The following DPP10 variants were observed in gnomAD, a reference collection of about 807,000 sequenced individuals.
The protein encoded by DPP10 is inactive dipeptidyl peptidase 10.
A neutral mutation model predicts 120.9 loss-of-function variants in DPP10; 33 were observed. That is an observed-to-expected ratio of 0.27 (90% CI 0.21 to 0.37). The LOEUF (loss-of-function observed/expected upper bound fraction) is 0.37, where lower values mean the gene tolerates loss of function less well. Among genes scored for constraint, DPP10 ranks in the 10% least tolerant of loss-of-function variants. The pLI, the probability that DPP10 is intolerant of heterozygous loss-of-function variation, is 1.00. For synonymous variants in DPP10, 337 were observed against 326.1 expected, an observed-to-expected ratio of 1.03 and a Z score of -0.36; for missense variants, 816 against 942.8, an observed-to-expected ratio of 0.87 and a Z score of 1.76.
At chr2:115,088,066 T>C (rs897951315) in intron 1 of DPP10, among the ~76,000 whole-genome samples, 1 of 152,192 alleles carries the variant, frequency 6.6e-6, no homozygotes, top group African/African-American at 2.4e-5. Flanking sequence ...TCTTGGTTTA[T>C]AGATGGTGCT....
intron 13 of DPP10, among the ~76,000 whole-genome samples, chr2:115,769,723 G>T (rs942187712): frequency 1.3e-5 from 2 of 151,812 alleles, no homozygotes; most frequent in African/African-American, 4.8e-5. Context: ...CTATTAAAAT[G>T]ATTATATAAG....
At chr2:115,555,390 A>G (rs1354470716) in intron 5 of DPP10, among the ~76,000 whole-genome samples, 2 of 152,240 alleles carry the variant, frequency 1.3e-5, no homozygotes, top group East Asian at 3.9e-4. Flanking sequence ...TATTAGACTC[A>G]GGGGCTTATA....
chr2:114,958,425 T>A (rs1698370498), intron 1 of DPP10, among the ~76,000 whole-genome samples: 1 of 152,152 alleles, frequency 6.6e-6, no homozygotes, highest in Non-Finnish European at 1.5e-5. Context: ...GGGTACAAAG[T>A]TTCAGCTGGG....
At chr2:114,556,267 A>ATATATATATATATG in intron 1 of DPP10, among the ~76,000 whole-genome samples, 1 of 142,874 alleles carries the variant, frequency 7.0e-6, no homozygotes, top group South Asian at 2.3e-4. Flanking sequence ...ATATATATAT[A>ATATATATATATATG]TAGGCAAATA....
At chr2:115,009,620 TA>T (rs1377703548) in intron 1 of DPP10, among the ~76,000 whole-genome samples, 2 of 150,416 alleles carry the variant, frequency 1.3e-5, no homozygotes, top group Admixed American at 1.3e-4. Flanking sequence ...ATATTTAAAG[TA>T]ATGGATATCC....
chr2:114,574,712 A>G (rs535783062), intron 1 of DPP10, among the ~76,000 whole-genome samples: 2 of 152,316 alleles, frequency 1.3e-5, no homozygotes, highest in African/African-American at 4.8e-5. Flanking sequence ...TTTTCCAGGG[A>G]AACAAGGAAA....
At chr2:115,258,902 A>G (rs1559326646) in intron 1 of DPP10, among the ~76,000 whole-genome samples, 1 of 152,214 alleles carries the variant, frequency 6.6e-6, no homozygotes, top group Non-Finnish European at 1.5e-5. Context: ...AAGTAAATAA[A>G]AAATAAATAA....
chr2:114,555,051 T>C (rs2104899149), intron 1 of DPP10, among the ~76,000 whole-genome samples: 1 of 152,280 alleles, frequency 6.6e-6, no homozygotes, highest in East Asian at 1.9e-4. Context: ...CCAAAGTCAA[T>C]TTAAGCCATG....
At chr2:115,707,221 A>C (rs13030727) in intron 7 of DPP10, among the ~76,000 whole-genome samples, 21,422 of 151,864 alleles carry the variant, frequency 0.14, 1,612 homozygotes, top group Non-Finnish European at 0.16. Flanking sequence ...GTAGGGTATA[A>C]AAGGTTTGAT....
chr2:114,807,069 A>C (rs2106307028), intron 1 of DPP10, among the ~76,000 whole-genome samples: 1 of 152,334 alleles, frequency 6.6e-6, no homozygotes, highest in Non-Finnish European at 1.5e-5. Flanking sequence ...ACATTTTTTA[A>C]GTTACGTAAC....
chr2:115,659,230 C>A (rs1360767459), intron 5 of DPP10, among the ~76,000 whole-genome samples: 1 of 152,106 alleles, frequency 6.6e-6, no homozygotes, highest in Non-Finnish European at 1.5e-5. Context: ...ACCTCCATAA[C>A]CATAAGTCAA....
At chr2:115,152,261 T>C (rs2051605521) in intron 1 of DPP10, among the ~76,000 whole-genome samples, 1 of 152,208 alleles carries the variant, frequency 6.6e-6, no homozygotes, top group South Asian at 2.1e-4. Flanking sequence ...AAGCAATATG[T>C]AAATGAATGA....
chr2:115,770,855 C>A (rs189182389), intron 13 of DPP10, among the ~76,000 whole-genome samples: 139 of 152,144 alleles, frequency 9.1e-4, no homozygotes, highest in Non-Finnish European at 1.6e-3. Context: ...GTATATTTTA[C>A]ATTCTTTTTT....
chr2:114,676,114 C>T (rs1010241881), intron 1 of DPP10, among the ~76,000 whole-genome samples: 1 of 152,070 alleles, frequency 6.6e-6, no homozygotes, highest in African/African-American at 2.4e-5. Flanking sequence ...TCTAAGAATG[C>T]TTATTAACTG....
chr2:114,873,796 A>G (rs1690910237), intron 1 of DPP10, among the ~76,000 whole-genome samples: 1 of 152,186 alleles, frequency 6.6e-6, no homozygotes, highest in Non-Finnish European at 1.5e-5. Flanking sequence ...ATGGACACAG[A>G]GCAAACACAT....
intron 5 of DPP10, among the ~76,000 whole-genome samples, chr2:115,575,615 C>T (rs2081607464): frequency 6.6e-6 from 1 of 152,164 alleles, no homozygotes; most frequent in Admixed American, 6.5e-5. Flanking sequence ...AGCTCAGGAT[C>T]TCACCCTTGC....
At chr2:114,870,576 T>TCAGG (rs1420472100) in intron 1 of DPP10, among the ~76,000 whole-genome samples, 1 of 138,162 alleles carries the variant, frequency 7.2e-6, no homozygotes, top group Admixed American at 7.5e-5. Flanking sequence ...AGGACACATA[T>TCAGG]AAAAGGATGC....
In DPP10 at chr2:115,321,187, G is replaced by A. The variant is rs138275122; in HGVS notation, c.175+11834G>A. On this transcript the variant is annotated intron_variant, in intron 2 of 25. Transcript: ENST00000410059. ...CTGGTGGTGGGAGCCTGTAATCCCC[G>A]CTCCTTGGGAGCCTGAGGCAGGAGA... 4.0e-3 allele frequency among the ~76,000 whole-genome samples: 604 copies of A among 152,172 alleles called. 5 individuals are homozygous for A. Among genetic ancestry groups the A allele is most frequent in the Non-Finnish European group, 3.1e-3 (210 of 67,986 alleles).
chr2:114,663,668 T>TATATATATATAGAGAGAGAGAGAG, intron 1 of DPP10, among the ~76,000 whole-genome samples: 25 of 80,698 alleles, frequency 3.1e-4, no homozygotes, highest in African/African-American at 2.0e-3. Context: ...TATATATATA[T>TATATATATATAGAGAGAGAGAGAG]AGAGAGAGAG....
Sources: allele counts gnomAD v4.1 joint callset (sites outside exome capture counted in the v4.1 genomes callset), GRCh38; gene constraint gnomAD v4.1.1; transcripts MANE v1.5; gene names NCBI Gene and HGNC (gene_info 2026-07-23, HGNC 2026-07-21).